Variants in KCNU1 observed in about 807,000 individuals in gnomAD.
KCNU1 encodes potassium calcium-activated channel subfamily U member 1, also known as potassium channel subfamily U member 1.
A neutral mutation model predicts 126.8 loss-of-function variants in KCNU1; 93 were observed. That is an observed-to-expected ratio of 0.73 (90% CI 0.62 to 0.87). The LOEUF (loss-of-function observed/expected upper bound fraction) is 0.87, where lower values mean the gene tolerates loss of function less well. KCNU1 is among the 40% of genes least tolerant of loss of function. The pLI is 0.00. For missense variants in KCNU1, 1,330 were observed against 1,367.1 expected, an observed-to-expected ratio of 0.97 and a Z score of 0.43; for synonymous variants, 523 against 494.2, an observed-to-expected ratio of 1.06 and a Z score of -0.77.
intron 20 of KCNU1, among the ~76,000 whole-genome samples, chr8:36,908,664 TA>T (rs1331286230): frequency 6.6e-6 from 1 of 151,922 alleles, no homozygotes; most frequent in Admixed American, 6.6e-5. Flanking sequence ...ATGGGGAAAT[TA>T]AATTTTTATA....
At chr8:36,813,285 G>T (rs1207307233) in intron 7 of KCNU1, among the ~76,000 whole-genome samples, 1 of 151,994 alleles carries the variant, frequency 6.6e-6, no homozygotes, top group Non-Finnish European at 1.5e-5. Context: ...TGAGCAAACT[G>T]CATGGTTTCT....
At chr8:36,841,151 G>T in intron 16 of KCNU1, 148 bp downstream of exon 16, 1 of 636,192 alleles carries the variant, frequency 1.6e-6, no homozygotes, top group Non-Finnish European at 2.8e-6. Flanking sequence ...AGCCTCTGGG[G>T]CTCTCTGGCT....
intron 15 of KCNU1, 119 bp downstream of exon 15, chr8:36,840,694 C>T (rs1235225256): frequency 1.4e-6 from 1 of 711,036 alleles, no homozygotes; most frequent in Non-Finnish European, 2.4e-6. Context: ...GAAGGGACAG[C>T]CCAGGGTCCC....
At chr8:36,785,417 C>G (rs989990407) in intron 1 of KCNU1, among the ~76,000 whole-genome samples, 4 of 152,160 alleles carry the variant, frequency 2.6e-5, no homozygotes, top group African/African-American at 9.7e-5. Flanking sequence ...CACATTTCAC[C>G]TGTGCATCAT....
rs759415170 is a variant in KCNU1, at chr8:36,833,610, C to T, written c.1163C>T (p.Thr388Met). ...TIFKCYLAYT[T>M]FISGSAMKWE... Reference sequence around the variant, plus strand: ...TTTAAATGCTACTTGGCCTACACAACGTTCATTTCTGGATCTGCAATGAAG... The same window carrying T: ...TTTAAATGCTACTTGGCCTACACAATGTTCATTTCTGGATCTGCAATGAAG... Residue 388 changes from threonine (T) to methionine (M), a missense_variant, in exon 11 of 27, where the codon ACG becomes ATG. Physicochemically the swap from Thr to Met is moderately conservative, Grantham distance 81. Transcript: ENST00000399881. 8.1e-6 allele frequency: 13 copies of T among 1,612,264 alleles called. No homozygotes were observed. Among genetic ancestry groups the T allele is most frequent in the South Asian group, 5.5e-5 (5 of 91,028 alleles).
At chr8:36,810,735 A>T (rs1803680698) in intron 7 of KCNU1, among the ~76,000 whole-genome samples, 1 of 152,232 alleles carries the variant, frequency 6.6e-6, no homozygotes, top group Non-Finnish European at 1.5e-5. Flanking sequence ...TCTGCTAAAA[A>T]TAACAAGAAG....
intron 19 of KCNU1, among the ~76,000 whole-genome samples, chr8:36,872,924 C>T (rs1018077676): frequency 3.9e-5 from 6 of 152,082 alleles, no homozygotes; most frequent in Non-Finnish European, 8.8e-5. Context: ...TTGAGACCTG[C>T]CTGGCCAACA....
At chr8:36,862,744 T>A (rs532509716) in intron 18 of KCNU1, among the ~76,000 whole-genome samples, 9 of 152,200 alleles carry the variant, frequency 5.9e-5, no homozygotes, top group Non-Finnish European at 1.2e-4. Flanking sequence ...ACCCTCATTT[T>A]TTTAACAGCT....
In KCNU1 at chr8:36,935,775, C is replaced by T. The variant is rs1189561115; in HGVS notation, c.3305C>T (p.Pro1102Leu). 6.2e-7 allele frequency: 1 copy of T among 1,613,468 alleles called. No individual in the cohort carries two copies. ...YQPRTNSLSF[P>L]KQIAWNQSRT... ...CCGAGAACTAACTCCCTCTCTTTTCCTAAGCAAATAGCATGGAATCAGAGT... is the reference window on the plus strand; with the variant it reads ...CCGAGAACTAACTCCCTCTCTTTTCTTAAGCAAATAGCATGGAATCAGAGT... Residue 1102 changes from proline to leucine, a missense_variant, in exon 27 of 27, where the codon CCT (proline) becomes CTT (leucine). Pro to Leu is a moderately conservative substitution (Grantham distance 98). This residue lies in a region of KCNU1 where 1,054 missense variants were observed against 1,053.9 expected (regional missense o/e 1.00). Transcript: ENST00000399881.
chr8:36,808,735 C>T lies in KCNU1; in HGVS notation c.674C>T (p.Ser225Phe). 6.2e-7 allele frequency: 1 copy of T among 1,610,720 alleles called. No individual in the cohort carries two copies. Among genetic ancestry groups the T allele is most frequent in the Non-Finnish European group, 8.5e-7 (1 of 1,178,114 alleles). The change falls in exon 7 of 27, where the codon TCC becomes TTC. Residue 225 changes from serine to phenylalanine, a missense_variant. Transcript: ENST00000399881. ...AIKTSNSVKF[S>F]KLLSIILSTW... ...TCCTCTAGTAACTCAGTGAAGTTTT[C>T]CAAACTGCTGTCAATAATTCTCAGT...
At chr8:36,914,282 T>G (rs909264015) in intron 22 of KCNU1, among the ~76,000 whole-genome samples, 11 of 152,230 alleles carry the variant, frequency 7.2e-5, no homozygotes, top group Admixed American at 3.9e-4. Flanking sequence ...AGTGGCAATT[T>G]ATCTCCTGAG....
chr8:36,817,723 T>A lies in KCNU1; in HGVS notation c.1069T>A (p.Ser357Thr), dbSNP rs748583177. 1 of 1,606,818 alleles carries A rather than the reference T, an allele frequency of 6.2e-7. No homozygotes were observed. Among genetic ancestry groups the A allele is most frequent in the Admixed American group, 1.7e-5 (1 of 59,680 alleles). ...CCTGAGGAATTTCCTCCGCGACAAG[T>A]CAGGAGAGATCAACACTGAAATTGT... ...AFLRNFLRDK[S>T]GEINTEIVFL... Residue 357 changes from serine to threonine, a missense_variant, in exon 10 of 27, where the codon TCA becomes ACA. Ser to Thr is a moderately conservative substitution (Grantham distance 58). This residue lies in a region of KCNU1 where 1,054 missense variants were observed against 1,053.9 expected (regional missense o/e 1.00). Coordinates refer to ENST00000399881, the MANE Select transcript of KCNU1 (RefSeq NM_001031836.3).
chr8:36,893,194 G>A (rs1185804161), intron 19 of KCNU1, among the ~76,000 whole-genome samples: 3 of 145,652 alleles, frequency 2.1e-5, no homozygotes, highest in Non-Finnish European at 4.5e-5. Context: ...GGTTAGTCTT[G>A]AACTCCTGGC....
chr8:36,787,813 CTAATTATA>C (rs1000084816), intron 2 of KCNU1, among the ~76,000 whole-genome samples: 4 of 146,358 alleles, frequency 2.7e-5, no homozygotes, highest in African/African-American at 5.0e-5. Context: ...TAGTTAATTA[CTAATTATA>C]TAATTATATA....
intron 18 of KCNU1, among the ~76,000 whole-genome samples, chr8:36,862,711 C>T (rs537725975): frequency 2.9e-4 from 44 of 152,230 alleles, no homozygotes; most frequent in African/African-American, 1.0e-3. Context: ...AAGCACTCAC[C>T]CCTCCCACTT....
chr8:36,796,248 G>T (rs1348055143), intron 2 of KCNU1, among the ~76,000 whole-genome samples: 1 of 152,070 alleles, frequency 6.6e-6, no homozygotes, highest in Non-Finnish European at 1.5e-5. Flanking sequence ...GAAATTTATG[G>T]TCCAAGAATG....
At chr8:36,799,227 A>T (rs183033565) in intron 2 of KCNU1, among the ~76,000 whole-genome samples, 2 of 152,308 alleles carry the variant, frequency 1.3e-5, no homozygotes, top group East Asian at 3.9e-4. Context: ...TTACAAAGTC[A>T]GTCTTACTCT....
intron 24 of KCNU1, 96 bp downstream of exon 24, chr8:36,922,725 T>G: frequency 8.1e-7 from 1 of 1,237,456 alleles, no homozygotes; most frequent in East Asian, 2.4e-5. Context: ...CACCTCACAG[T>G]TCTAAGTTCT....
intron 10 of KCNU1, among the ~76,000 whole-genome samples, chr8:36,832,001 C>G (rs1804568541): frequency 1.3e-5 from 2 of 152,310 alleles, no homozygotes. Flanking sequence ...TTCCCAGCAC[C>G]ATTTATTAAA....
Sources: gnomAD v4.1 joint callset for allele counts (sites outside exome capture counted in the v4.1 genomes callset) on GRCh38, gnomAD v4.1.1 for gene constraint, gnomAD v4.1.1 regional missense constraint, MANE v1.5 for transcripts, NCBI Gene and HGNC (gene_info 2026-07-23, HGNC 2026-07-21) for gene names.